Variants in ST8SIA4 observed in about 807,000 individuals in gnomAD.
The protein encoded by ST8SIA4 is ST8 alpha-N-acetyl-neuraminide alpha-2,8-sialyltransferase 4, also known as CMP-N-acetylneuraminate-poly-alpha-2,8-sialyltransferase.
A neutral mutation model predicts 33.9 loss-of-function variants in ST8SIA4; 15 were observed. That is an observed-to-expected ratio of 0.44 (90% confidence interval 0.30 to 0.68). The LOEUF is 0.68. ST8SIA4 is among the 30% of genes least tolerant of loss of function. ST8SIA4 has a pLI of 0.10. For missense variants in ST8SIA4, 321 were observed against 428.0 expected (o/e 0.75, Z 2.21); for synonymous variants, 171 against 151.2 (o/e 1.13, Z -0.96).
chr5:100,822,352 T>C (rs2112405001), intron 4 of ST8SIA4, among the ~76,000 whole-genome samples: 1 of 152,320 alleles, frequency 6.6e-6, no homozygotes, highest in South Asian at 2.1e-4. Flanking sequence ...AACATTAATA[T>C]AGAGAAAGTT....
chr5:100,845,184 C>T (rs1751544171), intron 4 of ST8SIA4, among the ~76,000 whole-genome samples: 1 of 151,908 alleles, frequency 6.6e-6, no homozygotes, highest in South Asian at 2.1e-4. Context: ...AAACAAAAGA[C>T]CTAATCTAAA....
chr5:100,837,684 A>T (rs921628075), intron 4 of ST8SIA4, among the ~76,000 whole-genome samples: 11 of 152,130 alleles, frequency 7.2e-5, no homozygotes, highest in African/African-American at 2.6e-4. Context: ...ACATTATGAA[A>T]ATCAGCAAAT....
Position 100,812,108 on chromosome 5 carries a change from A to G in ST8SIA4, c.819T>C (p.Val273=). 6.2e-7 allele frequency: 1 copy of G among 1,610,908 alleles called. No homozygotes were observed. Among genetic ancestry groups the G allele is most frequent in the East Asian group, 2.2e-5 (1 of 44,866 alleles). ...GACCTGTGCTGGGTCTTTTGATAGGAACTTTGTTGGTCAGCCAGTAACTGG... is the reference window on the plus strand; with the variant it reads ...GACCTGTGCTGGGTCTTTTGATAGGGACTTTGTTGGTCAGCCAGTAACTGG... ...AVRGYWLTNK[V]PIKRPSTGLL... is the part of the protein sequence containing the mutation. Residue 273 remains valine, a synonymous_variant, in exon 5 of 5, where the codon GTT becomes GTC. Transcript: ENST00000231461.
At chr5:100,849,153 T>C in intron 4 of ST8SIA4, 1 of 984,606 alleles carries the variant, frequency 1.0e-6, no homozygotes, top group Middle Eastern at 5.2e-4. Flanking sequence ...GGATGTTTAA[T>C]TAAGGACAAG....
chr5:100,896,952 G>A (rs887124624), intron 1 of ST8SIA4, among the ~76,000 whole-genome samples: 2 of 152,110 alleles, frequency 1.3e-5, no homozygotes, highest in African/African-American at 2.4e-5. Flanking sequence ...TGAGTTCCTA[G>A]ACTCTATTCT....
chr5:100,892,419 C>T (rs768122742), intron 2 of ST8SIA4, among the ~76,000 whole-genome samples: 1 of 152,026 alleles, frequency 6.6e-6, no homozygotes, highest in African/African-American at 2.4e-5. Flanking sequence ...CTCCATATAT[C>T]GTGAATCCTC....
chr5:100,883,820 T>C (rs1334008260), intron 3 of ST8SIA4, among the ~76,000 whole-genome samples: 2 of 152,216 alleles, frequency 1.3e-5, no homozygotes, highest in Non-Finnish European at 2.9e-5. Context: ...CCCGCCATAA[T>C]TCTGAAACCT....
At chr5:100,832,564 T>C (rs539700055) in intron 4 of ST8SIA4, among the ~76,000 whole-genome samples, 58 of 152,278 alleles carry the variant, frequency 3.8e-4, no homozygotes, top group African/African-American at 1.3e-3. Flanking sequence ...CACTAAAATG[T>C]ATTGCAGCAT....
At chr5:100,897,584 T>C (rs1351200194) in intron 1 of ST8SIA4, among the ~76,000 whole-genome samples, 1 of 152,202 alleles carries the variant, frequency 6.6e-6, no homozygotes, top group Non-Finnish European at 1.5e-5. Context: ...CCTCTCCTAG[T>C]ATCAATGGAA....
At chr5:100,838,145 A>T (rs1373673587) in intron 4 of ST8SIA4, among the ~76,000 whole-genome samples, 1 of 152,010 alleles carries the variant, frequency 6.6e-6, no homozygotes, top group Non-Finnish European at 1.5e-5. Context: ...ACAGGATGTC[A>T]GTGCCTAGAG....
At chr5:100,886,008 A>T in intron 3 of ST8SIA4, 1 of 972,670 alleles carries the variant, frequency 1.0e-6, no homozygotes, top group South Asian at 3.9e-5. Context: ...ATAAAATCAC[A>T]CAAAACTAAT....
intron 4 of ST8SIA4, among the ~76,000 whole-genome samples, chr5:100,839,452 T>C (rs1751429789): frequency 6.6e-6 from 1 of 151,946 alleles, no homozygotes; most frequent in Non-Finnish European, 1.5e-5. Context: ...CTTTGTTAAA[T>C]TGAAAAAATA....
At chr5:100,823,910 G>C (rs1751084584) in intron 4 of ST8SIA4, among the ~76,000 whole-genome samples, 1 of 152,136 alleles carries the variant, frequency 6.6e-6, no homozygotes, top group South Asian at 2.1e-4. Flanking sequence ...CTTTTTTACT[G>C]ACAGTTTGAA....
rs746501950 is a variant in ST8SIA4 at position 100,886,598 on chromosome 5, T to C, written c.248A>G (p.Lys83Arg). 6.2e-7 allele frequency: 1 copy of C among 1,611,620 alleles called. No homozygotes were observed. Residue 83 changes from lysine (K) to arginine (R), a missense_variant and splice_region_variant, in exon 3 of 5, where the codon AAG becomes AGG. Coordinates refer to ENST00000231461, the MANE Select transcript of ST8SIA4 (RefSeq NM_005668.6). ...TGCATCTAAGAAACGAAGTATGTTC[T>C]TCCTGTATTTGAAATACAAGCAAAG... Reference protein sequence around the residue: ...INSSLVLEIRKNILRFLDAER... With the variant: ...INSSLVLEIRRNILRFLDAER...
At chr5:100,875,554 G>A (rs1013515952) in intron 3 of ST8SIA4, among the ~76,000 whole-genome samples, 1 of 152,074 alleles carries the variant, frequency 6.6e-6, no homozygotes, top group African/African-American at 2.4e-5. Flanking sequence ...TTTAAATGTG[G>A]TATGTGTCTT....
At chr5:100,824,896 C>A (rs1408042055) in intron 4 of ST8SIA4, among the ~76,000 whole-genome samples, 400 of 114,846 alleles carry the variant, frequency 3.5e-3, no homozygotes, top group African/African-American at 8.5e-3. Flanking sequence ...CCTGTCTTGA[C>A]AAAAAAAAAA....
intron 4 of ST8SIA4, among the ~76,000 whole-genome samples, chr5:100,843,621 A>T (rs1751511045): frequency 6.6e-6 from 1 of 151,916 alleles, no homozygotes; most frequent in Non-Finnish European, 1.5e-5. Context: ...AAAAAGCAGC[A>T]GGCATTTACA....
rs1752540795 is a variant in ST8SIA4, at chr5:100,886,503, G to A, written c.343C>T (p.Arg115Cys). The A allele has an allele frequency of 2.5e-6, 4 of 1,613,776 alleles. No homozygotes were observed. Among genetic ancestry groups the A allele is most frequent in the Admixed American group, 1.7e-5 (1 of 59,994 alleles). The part of the protein sequence containing the change: ...GDVIHYVLDR[R>C]RTLNISHDLH... ...TCATGAGAAATGTTTAGTGTCCGGC[G>A]CCTGTCAAGCACATAGTGTATGACA... The change falls in exon 3 of 5, where the codon CGC (arginine) becomes TGC (cysteine). Residue 115 changes from arginine to cysteine, a missense_variant. Physicochemically the swap from Arg to Cys is radical, Grantham distance 180 (BLOSUM62 -3). Transcript: ENST00000231461.
At chr5:100,878,450 T>C (rs1050896078) in intron 3 of ST8SIA4, among the ~76,000 whole-genome samples, 11 of 152,166 alleles carry the variant, frequency 7.2e-5, no homozygotes, top group African/African-American at 2.7e-4. Flanking sequence ...GTGCTGGGAT[T>C]ACAAGCATGA....
Sources: gnomAD v4.1 joint callset for allele counts (sites outside exome capture counted in the v4.1 genomes callset) on GRCh38, gnomAD v4.1.1 for gene constraint, MANE v1.5 for transcripts, NCBI Gene and HGNC (gene_info 2026-07-23, HGNC 2026-07-21) for gene names.